The following SEMA6A variants were observed in gnomAD, a reference collection of about 807,000 sequenced individuals.
SEMA6A encodes semaphorin 6A.
Under a neutral mutation model 96.8 loss-of-function variants are expected in SEMA6A, and 25 were observed. The ratio of observed to expected loss-of-function variants is 0.26; its 90% CI spans 0.19 to 0.36. The LOEUF (loss-of-function observed/expected upper bound fraction) is 0.36. Among genes scored for constraint, SEMA6A ranks in the 10% least tolerant of loss-of-function variants. The pLI is 1.00. For missense variants in SEMA6A, 1,363 were observed against 1,323.1 expected (o/e 1.03, Z -0.47); for synonymous variants, 612 against 518.0 (o/e 1.18, Z -2.46).
At chr5:116,512,050 C>G (rs1048688036) in intron 1 of SEMA6A, among the ~76,000 whole-genome samples, 1 of 152,098 alleles carries the variant, frequency 6.6e-6, no homozygotes, top group Middle Eastern at 3.2e-3. Context: ...CATTCTTGCA[C>G]CAGAGGAAAA....
At chr5:116,521,628 C>A (rs1303472557) in intron 1 of SEMA6A, among the ~76,000 whole-genome samples, 2 of 151,744 alleles carry the variant, frequency 1.3e-5, no homozygotes, top group African/African-American at 4.9e-5. Flanking sequence ...TGTTTTATTT[C>A]TTTGGGGAAT....
intron 1 of SEMA6A, chr5:116,508,031 A>G (rs1758230073): frequency 6.6e-6 from 1 of 151,948 alleles, no homozygotes; most frequent in South Asian, 2.1e-4. Flanking sequence ...TTTCACAATA[A>G]TTTTTCCCTA....
At chr5:116,559,740 TCC>T (rs1489896140) in intron 1 of SEMA6A, among the ~76,000 whole-genome samples, 2 of 152,062 alleles carry the variant, frequency 1.3e-5, no homozygotes, top group African/African-American at 4.8e-5. Flanking sequence ...TCCACTCAGC[TCC>T]CCAGAGGTGA....
At chr5:116,526,932 G>C (rs1483731438) in intron 1 of SEMA6A, among the ~76,000 whole-genome samples, 3 of 152,138 alleles carry the variant, frequency 2.0e-5, no homozygotes, top group Admixed American at 6.6e-5. Context: ...TGAGGGCACA[G>C]CTTAAGTGCA....
intron 18 of SEMA6A, among the ~76,000 whole-genome samples, chr5:116,465,781 T>G (rs781487276): frequency 6.6e-6 from 1 of 152,140 alleles, no homozygotes; most frequent in Non-Finnish European, 1.5e-5. Context: ...AGCTAGATAT[T>G]TAGTTGGCAT....
Position 116,473,830 on chromosome 5 carries a change from G to C in SEMA6A, c.1709-737C>G, listed in dbSNP as rs577000747. 2.0e-5 allele frequency among the ~76,000 whole-genome samples: 3 copies of C among 152,340 alleles called. No individual in the cohort carries two copies. In the South Asian group the frequency reaches 6.2e-4, roughly 32 times the overall value. ...GGAACACGGGGAGAGGAGAAGCCAT[G>C]AGCAAAGGCAGGCAGGCAGAGGGGC... is the stretch of plus-strand genomic sequence containing the variant. On this transcript the variant is annotated intron_variant, in intron 16 of 18. Coordinates refer to ENST00000343348, the MANE Select transcript of SEMA6A (RefSeq NM_020796.5).
intron 1 of SEMA6A, among the ~76,000 whole-genome samples, chr5:116,556,767 G>T (rs1760626104): frequency 6.6e-6 from 1 of 152,168 alleles, no homozygotes; most frequent in Non-Finnish European, 1.5e-5. Context: ...TTCCTGATCT[G>T]AGTTTCAGAA....
chr5:116,453,869 T>C (rs1754810279), intron 18 of SEMA6A, among the ~76,000 whole-genome samples: 1 of 152,160 alleles, frequency 6.6e-6, no homozygotes, highest in Admixed American at 6.5e-5. Context: ...ATCTGTCCTA[T>C]CAAAATGTGA....
chr5:116,497,378 A>G lies in SEMA6A; in HGVS notation c.228T>C (p.Ile76=). The stretch of plus-strand genomic sequence containing the variant: ...GTGATGTGTCTATATCAACAGTATA[A>G]ATATGGTCCCTATAGGCAAAGAAAA... The part of the protein sequence containing the change: ...GTLYIAARDH[I]YTVDIDTSHT... The change falls in exon 4 of 19, where the codon ATT becomes ATC. Residue 76 remains isoleucine (I), a synonymous_variant. Transcript: ENST00000343348. 6.3e-7 allele frequency: 1 copy of G among 1,594,200 alleles called. No homozygotes were observed. Among genetic ancestry groups the G allele is most frequent in the Non-Finnish European group, 8.6e-7 (1 of 1,163,846 alleles).
chr5:116,464,952 C>T lies in SEMA6A; in HGVS notation c.1894+2631G>A, dbSNP rs144189260. On this transcript the variant is annotated intron_variant, in intron 18 of 18. Transcript: ENST00000343348. Reference sequence around the variant, plus strand: ...CTTGACTCCTCAGTGAGCTGGTCAGCGGGCACATTTTCTGCTTAGTGAGGA... The same window carrying T: ...CTTGACTCCTCAGTGAGCTGGTCAGTGGGCACATTTTCTGCTTAGTGAGGA... Among the ~76,000 whole-genome samples, 15 of 152,112 alleles carry T rather than the reference C, an allele frequency of 9.9e-5. No homozygotes were observed. The East Asian group carries it at 2.3e-3, about 24-fold the overall frequency.
Position 116,447,747 on chromosome 5 carries a change from A to C in SEMA6A, c.1959T>G (p.Ile653Met), listed in dbSNP as rs749921479. ...DQLVPVTLLAIAVILAFVMGA... is the reference protein window; with the variant it reads ...DQLVPVTLLAMAVILAFVMGA... Reference sequence around the variant, plus strand: ...CCATGACGAAAGCCAGGATGACTGCAATGGCCAAGAGGGTGACGGGAACCA... The same window carrying C: ...CCATGACGAAAGCCAGGATGACTGCCATGGCCAAGAGGGTGACGGGAACCA... The change falls in exon 19 of 19, where the codon ATT becomes ATG. Residue 653 changes from isoleucine (I) to methionine (M), a missense_variant. This residue lies in a region of SEMA6A where 883 missense variants were observed against 763.6 expected (regional missense o/e 1.16). Coordinates refer to ENST00000343348, the MANE Select transcript of SEMA6A (RefSeq NM_020796.5). 8.7e-6 allele frequency: 14 copies of C among 1,613,740 alleles called. No individual in the cohort carries two copies. The Admixed American group carries it at 1.3e-4, about 15-fold the overall frequency.
At chr5:116,539,955 T>C (rs900273915) in intron 1 of SEMA6A, among the ~76,000 whole-genome samples, 2 of 152,232 alleles carry the variant, frequency 1.3e-5, no homozygotes, top group African/African-American at 4.8e-5. Flanking sequence ...AGTAAAGTTT[T>C]AGTTTATTGA....
rs1756835399 is a variant in SEMA6A at position 116,482,506 on chromosome 5, C to T, written c.1032G>A (p.Lys344=). Residue 344 remains lysine (K), a synonymous_variant, in exon 11 of 19, where the codon AAG becomes AAA. Transcript: ENST00000343348. ...AGGTGGAATCAGGAGACTTCTGTTC[C>T]TTGAATCTCCCAGTAAAAACACTGG... is the stretch of plus-strand genomic sequence containing the variant. ...DIASVFTGRF[K]EQKSPDSTWT... is the part of the protein sequence containing the mutation. 3.1e-6 allele frequency: 5 copies of T among 1,613,610 alleles called. No individual in the cohort carries two copies. Among genetic ancestry groups the T allele is most frequent in the Non-Finnish European group, 4.2e-6 (5 of 1,179,682 alleles).
intron 18 of SEMA6A, among the ~76,000 whole-genome samples, chr5:116,452,675 TA>T (rs5870700): frequency 0.18 from 27,645 of 152,194 alleles, 2,712 homozygotes; most frequent in East Asian, 0.38. Flanking sequence ...TTCCTTATTT[TA>T]AAAAATGTTT....
At chr5:116,490,875 C>T (rs1156765663) in intron 7 of SEMA6A, among the ~76,000 whole-genome samples, 1 of 152,212 alleles carries the variant, frequency 6.6e-6, no homozygotes, top group Non-Finnish European at 1.5e-5. Flanking sequence ...CCCACCTCCA[C>T]ATACACAGCT....
intron 18 of SEMA6A, among the ~76,000 whole-genome samples, chr5:116,448,627 T>C (rs1040057419): frequency 5.3e-5 from 8 of 152,004 alleles, no homozygotes; most frequent in Non-Finnish European, 1.5e-5. Flanking sequence ...GGAGCCTCCG[T>C]CTGGGGAAAA....
At chr5:116,539,417 A>T (rs927452830) in intron 1 of SEMA6A, among the ~76,000 whole-genome samples, 1 of 152,220 alleles carries the variant, frequency 6.6e-6, no homozygotes, top group African/African-American at 2.4e-5. Context: ...ATCTGAGAAC[A>T]AAACAAATCA....
intron 1 of SEMA6A, among the ~76,000 whole-genome samples, chr5:116,527,519 A>C (rs1280255710): frequency 6.6e-6 from 1 of 152,192 alleles, no homozygotes; most frequent in Non-Finnish European, 1.5e-5. Context: ...AGCCATGAAA[A>C]GTTGAAAGTA....
chr5:116,543,535 A>G (rs1417659269), intron 1 of SEMA6A, among the ~76,000 whole-genome samples: 1 of 152,262 alleles, frequency 6.6e-6, no homozygotes, highest in Admixed American at 6.5e-5. Context: ...TCTAACATCT[A>G]GACCTGTCAT....
Sources: allele counts gnomAD v4.1 joint callset (sites outside exome capture counted in the v4.1 genomes callset), GRCh38; gene constraint gnomAD v4.1.1; regional missense constraint gnomAD v4.1.1; transcripts MANE v1.5; gene names NCBI Gene and HGNC (gene_info 2026-07-23, HGNC 2026-07-21).